The following METTL15 variants were observed in gnomAD, a reference collection of about 807,000 sequenced individuals.
METTL15 encodes the protein methyltransferase 15, mitochondrial 12S rRNA N4-cytidine, also known as 12S rRNA N(4)-cytidine methyltransferase METTL15.
In METTL15, 34 loss-of-function variants were observed where a neutral mutation model predicts 38.3. The ratio of observed to expected loss-of-function variants is 0.89; its 90% CI spans 0.68 to 1.18. The LOEUF is 1.18. Ranked by LOEUF, METTL15 falls within the 50% of genes most tolerant of loss-of-function variation. The probability of loss-of-function intolerance (pLI) is 0.00; values close to 1 mark genes in which losing one functional copy is unlikely to be tolerated. For synonymous variants in METTL15, 162 were observed against 170.9 expected, an observed-to-expected ratio of 0.95 and a Z score of 0.41; for missense variants, 438 against 498.4, an observed-to-expected ratio of 0.88 and a Z score of 1.15.
At position 28,503,659 on chromosome 11, in the gene METTL15, C is replaced by A. The variant is rs1851602789; in HGVS notation, c.*425-22819C>A. ...TATAAAAATTAGCCAGGCGTGGTGG[C>A]ACGCACCTGTAATCCCAGCTACTCT... On this transcript the variant is annotated intron_variant and NMD_transcript_variant, in intron 6 of 7. Coordinates refer to the METTL15 transcript ENST00000532947. Among the ~76,000 whole-genome samples, 6 of 151,950 alleles carry A rather than the reference C, an allele frequency of 3.9e-5. No homozygotes were observed. In the South Asian group the frequency reaches 1.3e-3, roughly 32 times the overall value.
intron 6 of METTL15, among the ~76,000 whole-genome samples, chr11:28,498,792 G>A (rs1460466109): frequency 1.3e-5 from 2 of 152,216 alleles, no homozygotes; most frequent in African/African-American, 4.8e-5. Flanking sequence ...ACAAGAAAAG[G>A]ACACTCGTTA....
chr11:28,256,291 T>C (rs763888126), intron 4 of METTL15, among the ~76,000 whole-genome samples: 6 of 152,242 alleles, frequency 3.9e-5, no homozygotes, highest in Non-Finnish European at 8.8e-5. Context: ...CCTTAAATTA[T>C]GTTTGGCGGA....
intron 5 of METTL15, among the ~76,000 whole-genome samples, chr11:28,377,530 C>G (rs1286254161): frequency 6.6e-6 from 1 of 151,902 alleles, no homozygotes; most frequent in Non-Finnish European, 1.5e-5. Context: ...AAGCACTTCT[C>G]TGTATTGGTT....
chr11:28,268,304 T>C (rs1051090150), intron 4 of METTL15, among the ~76,000 whole-genome samples: 1 of 151,880 alleles, frequency 6.6e-6, no homozygotes, highest in African/African-American at 2.4e-5. Context: ...AATTGCTATA[T>C]TCATCAGTAA....
intron 5 of METTL15, among the ~76,000 whole-genome samples, chr11:28,396,840 A>G (rs1850574964): frequency 6.6e-6 from 1 of 152,170 alleles, no homozygotes; most frequent in African/African-American, 2.4e-5. Flanking sequence ...ACTTCAAACT[A>G]TACTACAAGG....
chr11:28,531,650 T>C (rs968458057), downstream of METTL15, among the ~76,000 whole-genome samples: 1 of 152,094 alleles, frequency 6.6e-6, no homozygotes, highest in Non-Finnish European at 1.5e-5. Flanking sequence ...GATTAAATGC[T>C]TATTAAAATA....
At chr11:28,518,398 T>A (rs1851737024) in intron 6 of METTL15, among the ~76,000 whole-genome samples, 1 of 152,200 alleles carries the variant, frequency 6.6e-6, no homozygotes, top group African/African-American at 2.4e-5. Context: ...GAAAACCAGC[T>A]TCAAGCTCAC....
At chr11:28,399,614 C>T (rs910752285) in intron 5 of METTL15, among the ~76,000 whole-genome samples, 3 of 151,760 alleles carry the variant, frequency 2.0e-5, no homozygotes, top group Non-Finnish European at 2.9e-5. Flanking sequence ...GACATATACA[C>T]ACCTTATGCA....
chr11:28,236,501 T>C (rs889872021), intron 4 of METTL15, among the ~76,000 whole-genome samples: 3 of 152,234 alleles, frequency 2.0e-5, no homozygotes, highest in African/African-American at 7.2e-5. Context: ...TATTGGTCTA[T>C]TCAGAGATTC....
At chr11:28,330,303 A>T in intron 6 of METTL15, 93 bp from the exon 7 acceptor site, 1 of 1,157,468 alleles carries the variant, frequency 8.6e-7, no homozygotes, top group South Asian at 1.7e-5. Flanking sequence ...TAGTTCACTA[A>T]ATATGCACAC....
At chr11:28,359,479 A>T (rs1470820228) in intron 4 of METTL15, among the ~76,000 whole-genome samples, 2 of 152,070 alleles carry the variant, frequency 1.3e-5, no homozygotes, top group African/African-American at 2.4e-5. Context: ...TGTAATTTTA[A>T]TTTTTTGAGA....
chr11:28,391,067 G>A (rs1253816187), intron 5 of METTL15, among the ~76,000 whole-genome samples: 2 of 152,078 alleles, frequency 1.3e-5, no homozygotes, highest in African/African-American at 2.4e-5. Context: ...TGTGATTTTT[G>A]TACATTGATT....
intron 4 of METTL15, among the ~76,000 whole-genome samples, chr11:28,270,145 T>A (rs1231331374): frequency 1.3e-5 from 2 of 152,202 alleles, no homozygotes; most frequent in Non-Finnish European, 2.9e-5. Flanking sequence ...TATTGTTGAA[T>A]TATTTTTCTT....
intron 4 of METTL15, among the ~76,000 whole-genome samples, chr11:28,275,277 A>G (rs140716817): frequency 6.8e-4 from 103 of 152,040 alleles, no homozygotes; most frequent in African/African-American, 2.3e-3. Flanking sequence ...AAAAGGAGAC[A>G]TTACAGCTTA....
intron 6 of METTL15, among the ~76,000 whole-genome samples, chr11:28,323,665 G>A (rs919503787): frequency 5.3e-5 from 8 of 152,200 alleles, no homozygotes; most frequent in African/African-American, 1.9e-4. Context: ...TCTGGTGGAT[G>A]TGTGGAAAAG....
intron 4 of METTL15, among the ~76,000 whole-genome samples, chr11:28,266,079 G>A (rs1855404641): frequency 6.6e-6 from 1 of 152,124 alleles, no homozygotes; most frequent in South Asian, 2.1e-4. Context: ...GAGAGGATGT[G>A]GAGAAATAGG....
At chr11:28,370,067 A>G (rs534913948) in intron 5 of METTL15, among the ~76,000 whole-genome samples, 21 of 152,258 alleles carry the variant, frequency 1.4e-4, no homozygotes, top group Non-Finnish European at 2.8e-4. Context: ...TCTTTATGCT[A>G]GAAACACCTG....
At chr11:28,431,923 C>T (rs534110971) in intron 6 of METTL15, among the ~76,000 whole-genome samples, 17 of 151,136 alleles carry the variant, frequency 1.1e-4, no homozygotes, top group Admixed American at 2.6e-4. Context: ...GCTAATTGGA[C>T]AACAAGCAAG....
chr11:28,115,695 A>G (rs554885385), intron 3 of METTL15, among the ~76,000 whole-genome samples: 1 of 152,188 alleles, frequency 6.6e-6, no homozygotes, highest in Non-Finnish European at 1.5e-5. Context: ...GGTCATCATA[A>G]AAGTCTTCAT....
Sources: allele counts gnomAD v4.1 joint callset (sites outside exome capture counted in the v4.1 genomes callset), GRCh38; gene constraint gnomAD v4.1.1; transcripts MANE v1.5; gene names NCBI Gene and HGNC (gene_info 2026-07-23, HGNC 2026-07-21).